Variants in SLC22A4 observed in about 807,000 individuals in gnomAD.
The protein encoded by SLC22A4 is solute carrier family 22 member 4, also known as ET transporter.
SLC22A4 carries 39 observed loss-of-function variants against 56.6 expected under a neutral mutation model. That is an observed-to-expected ratio of 0.69 (90% confidence interval 0.53 to 0.90). SLC22A4 has a LOEUF of 0.90. Ranked by LOEUF, SLC22A4 falls within the 40% of genes least tolerant of loss-of-function variation. The probability of loss-of-function intolerance (pLI) is 0.00; values close to 1 mark genes in which losing one functional copy is unlikely to be tolerated. For missense variants in SLC22A4, 594 were observed against 696.5 expected (o/e 0.85, Z 1.66); for synonymous variants, 241 against 281.4 (o/e 0.86, Z 1.44).
intron 1 of SLC22A4, among the ~76,000 whole-genome samples, chr5:132,308,198 G>A (rs746744256): frequency 2.6e-5 from 4 of 152,004 alleles, no homozygotes; most frequent in South Asian, 2.1e-4. Flanking sequence ...CCAGAACAGC[G>A]CCCACCCCAC....
intron 4 of SLC22A4, among the ~76,000 whole-genome samples, chr5:132,325,810 C>G (rs1171598807): frequency 6.6e-6 from 1 of 152,120 alleles, no homozygotes; most frequent in Non-Finnish European, 1.5e-5. Context: ...GACACTGGAC[C>G]AAATTGAGGA....
At chr5:132,308,285 G>A (rs985714235) in intron 1 of SLC22A4, among the ~76,000 whole-genome samples, 1 of 151,838 alleles carries the variant, frequency 6.6e-6, no homozygotes, top group Admixed American at 6.6e-5. Flanking sequence ...CTTTGTGAGG[G>A]CAGGGACCAT....
chr5:132,301,739 A>T (rs1458429044), intron 1 of SLC22A4, among the ~76,000 whole-genome samples: 3 of 152,212 alleles, frequency 2.0e-5, no homozygotes, highest in African/African-American at 7.2e-5. Flanking sequence ...GACTTCACAT[A>T]GCGGCTCTCA....
intron 1 of SLC22A4, chr5:132,295,602 G>A: frequency 3.5e-6 from 1 of 288,456 alleles, no homozygotes; most frequent in South Asian, 3.2e-5. Context: ...CTGGCCCTCA[G>A]GGACCTCTCT....
chr5:132,340,555 G>C lies in SLC22A4; in HGVS notation c.1445-10G>C. 6.2e-7 allele frequency: 1 copy of C among 1,613,670 alleles called. No homozygotes were observed. The highest frequency in any genetic ancestry group is 8.5e-7 in the Non-Finnish European group (1 of 1,179,710). Reference sequence around the variant, plus strand: ...ATCTGATTGATGTTCTTATGTCCCGGGCTTTACAGGTGCTTACAACAGAAT... The same window carrying C: ...ATCTGATTGATGTTCTTATGTCCCGCGCTTTACAGGTGCTTACAACAGAAT... On this transcript the variant is annotated splice_polypyrimidine_tract_variant and intron_variant, in intron 8 of 9. Coordinates refer to ENST00000200652, the MANE Select transcript of SLC22A4 (RefSeq NM_003059.3).
At chr5:132,296,861 GTAGC>G (rs2126696686) in intron 1 of SLC22A4, among the ~76,000 whole-genome samples, 1 of 152,260 alleles carries the variant, frequency 6.6e-6, no homozygotes, top group East Asian at 1.9e-4. Flanking sequence ...TGAGGGGTGA[GTAGC>G]TGCTGGCCTC....
intron 4 of SLC22A4, among the ~76,000 whole-genome samples, chr5:132,325,981 T>C (rs1311419217): frequency 1.3e-5 from 2 of 152,244 alleles, no homozygotes; most frequent in African/African-American, 4.8e-5. Context: ...CCTAGAAATT[T>C]CTGCATAAAC....
At chr5:132,333,000 T>C (rs1750912513) in intron 6 of SLC22A4, among the ~76,000 whole-genome samples, 1 of 152,218 alleles carries the variant, frequency 6.6e-6, no homozygotes, top group African/African-American at 2.4e-5. Context: ...ACTAGTTCTA[T>C]CTAAACTACT....
At chr5:132,341,406 A>G (rs551250700) in intron 9 of SLC22A4, among the ~76,000 whole-genome samples, 1 of 152,300 alleles carries the variant, frequency 6.6e-6, no homozygotes, top group Non-Finnish European at 1.5e-5. Context: ...CAACAGAGCT[A>G]GACTCTGTCT....
At chr5:132,312,945 C>T (rs1483812356) in intron 2 of SLC22A4, among the ~76,000 whole-genome samples, 3 of 152,236 alleles carry the variant, frequency 2.0e-5, no homozygotes, top group East Asian at 1.9e-4. Flanking sequence ...CTGTTCTGCT[C>T]ACACCTGTGC....
chr5:132,319,181 A>G (rs1750453940), intron 3 of SLC22A4, among the ~76,000 whole-genome samples: 1 of 152,044 alleles, frequency 6.6e-6, no homozygotes, highest in Non-Finnish European at 1.5e-5. Context: ...AAGCGCCTGT[A>G]GTCCTAGCTA....
At chr5:132,325,601 G>A (rs1750666111) in intron 4 of SLC22A4, among the ~76,000 whole-genome samples, 1 of 152,162 alleles carries the variant, frequency 6.6e-6, no homozygotes, top group South Asian at 2.1e-4. Context: ...TTCCTAGTGT[G>A]GGTTTGGGGC....
rs772374561 is a variant in SLC22A4 at position 132,335,911 on chromosome 5, A to T, written c.1355A>T (p.Tyr452Phe). The T allele has an allele frequency of 1.5e-5, 24 of 1,613,904 alleles. No homozygotes were observed. Among genetic ancestry groups the T allele is most frequent in the Non-Finnish European group, 1.9e-5 (22 of 1,180,004 alleles). ...CTGTATGTCTTCACTGCTGAGCTCT[A>T]CCCAACCCTGGTCAGGAACATGGCG... Reference protein sequence around the residue: ...SMLYVFTAELYPTLVRNMAVG... With the variant: ...SMLYVFTAELFPTLVRNMAVG... Residue 452 changes from tyrosine (Y) to phenylalanine (F), a missense_variant, in exon 8 of 10, where the codon TAC (tyrosine) becomes TTC (phenylalanine). Tyr to Phe is a conservative substitution (Grantham distance 22). Transcript: ENST00000200652.
At chr5:132,321,328 A>G (rs1265765182) in intron 3 of SLC22A4, among the ~76,000 whole-genome samples, 6 of 152,070 alleles carry the variant, frequency 3.9e-5, no homozygotes, top group African/African-American at 1.4e-4. Context: ...GCTCACTCCA[A>G]CTGATTTCTC....
intron 1 of SLC22A4, among the ~76,000 whole-genome samples, chr5:132,296,554 A>G (rs1427941985): frequency 2.0e-5 from 3 of 152,242 alleles, no homozygotes; most frequent in Non-Finnish European, 4.4e-5. Context: ...AAGTGGGCTC[A>G]GCCCAGGGAC....
chr5:132,317,646 C>A (rs1057328761), intron 3 of SLC22A4, among the ~76,000 whole-genome samples: 2 of 152,156 alleles, frequency 1.3e-5, no homozygotes, highest in African/African-American at 4.8e-5. Context: ...GTTTTTAATT[C>A]TCTTGGGTAT....
intron 1 of SLC22A4, chr5:132,311,292 GTTTA>G (rs1472191842): frequency 1.3e-5 from 2 of 152,278 alleles, no homozygotes; most frequent in East Asian, 3.9e-4. Context: ...GCATCTGTTT[GTTTA>G]TTTATTTGTT....
rs558087632 is a variant in SLC22A4, at chr5:132,340,663, C to T, written c.1543C>T (p.Leu515Phe). The T allele has an allele frequency of 1.3e-5, 21 of 1,613,874 alleles. 1 individual carries two copies. In the South Asian group the frequency reaches 1.6e-4, roughly 13 times the overall value. Residue 515 changes from leucine to phenylalanine, a missense_variant, in exon 9 of 10, where the codon CTT becomes TTT. Physicochemically the swap from Leu to Phe is conservative, Grantham distance 22. Transcript: ENST00000200652. ...TTTCCCTGAAAGTTTGGGAATGACTCTTCCAGAAACCTTAGAGCAGATGCA... is the reference window on the plus strand; with the variant it reads ...TTTCCCTGAAAGTTTGGGAATGACTTTTCCAGAAACCTTAGAGCAGATGCA... ...LFFPESLGMT[L>F]PETLEQMQKV... is the part of the protein sequence containing the mutation.
intron 3 of SLC22A4, among the ~76,000 whole-genome samples, chr5:132,316,542 T>C (rs1289817512): frequency 6.6e-6 from 1 of 152,206 alleles, no homozygotes; most frequent in Non-Finnish European, 1.5e-5. Flanking sequence ...ACAAAAAGTG[T>C]TTCTGTATTT....
Sources: allele counts gnomAD v4.1 joint callset (sites outside exome capture counted in the v4.1 genomes callset), GRCh38; gene constraint gnomAD v4.1.1; transcripts MANE v1.5; gene names NCBI Gene and HGNC (gene_info 2026-07-23, HGNC 2026-07-21).